The following SV2B variants were observed in gnomAD, a reference collection of about 807,000 sequenced individuals.
SV2B encodes synaptic vesicle glycoprotein 2B, also known as solute carrier family 22 member B2.
SV2B carries 41 observed loss-of-function variants against 73.9 expected under a neutral mutation model. That is an observed-to-expected ratio of 0.56 (90% CI 0.43 to 0.72). The LOEUF (loss-of-function observed/expected upper bound fraction) is 0.72, where lower values mean the gene tolerates loss of function less well. Ranked by LOEUF, SV2B falls within the 30% of genes least tolerant of loss-of-function variation. The pLI is 0.00. For missense variants in SV2B, 764 were observed against 857.8 expected (o/e 0.89, Z 1.37); for synonymous variants, 314 against 314.2 (o/e 1.00, Z 0.01).
rs1430518321 is a variant in SV2B at position 91,301,770 on chromosome 15, C to T, written c.*9218C>T. 6.6e-6 allele frequency among the ~76,000 whole-genome samples: 1 copy of T among 152,184 alleles called. No homozygotes were observed. The highest frequency in any genetic ancestry group is 6.5e-5 in the Admixed American group (1 of 15,280). On this transcript the variant is annotated 3_prime_UTR_variant, in exon 13 of 13. Coordinates refer to ENST00000394232, the MANE Select transcript of SV2B (RefSeq NM_001323032.3). The surrounding 1 kb of genome is among the most constrained non-coding windows in gnomAD (Gnocchi z 4.3). Reference sequence around the variant, plus strand: ...TTTTGGGATATTGGCATTATACCTACCAGCTGAGCATCCCAAGTCTGCACA... The same window carrying T: ...TTTTGGGATATTGGCATTATACCTATCAGCTGAGCATCCCAAGTCTGCACA...
At chr15:91,225,060 T>C (rs1309708276) in intron 1 of SV2B, among the ~76,000 whole-genome samples, 2 of 152,256 alleles carry the variant, frequency 1.3e-5, no homozygotes, top group East Asian at 1.9e-4. Flanking sequence ...AAGTACTTTA[T>C]GCACAACCTT....
At chr15:91,218,426 A>G (rs184377194) in intron 1 of SV2B, among the ~76,000 whole-genome samples, 3 of 152,258 alleles carry the variant, frequency 2.0e-5, no homozygotes, top group South Asian at 2.1e-4. Context: ...AAGGGGAAGG[A>G]CAGAAAGCCC....
At position 91,295,391 on chromosome 15, in the gene SV2B, A is replaced by T. The variant is rs938471739; in HGVS notation, c.*2839A>T. 6 of 152,256 alleles carry T rather than the reference A, an allele frequency of 3.9e-5. No homozygotes were observed. Among genetic ancestry groups the T allele is most frequent in the Non-Finnish European group, 5.9e-5 (4 of 68,054 alleles). The allele number at this position is 152,256 out of a possible 1,614,324, so 9.4% of individuals were successfully genotyped here. On this transcript the variant is annotated 3_prime_UTR_variant, in exon 13 of 13. Coordinates refer to ENST00000394232, the MANE Select transcript of SV2B (RefSeq NM_001323032.3). ...CGTTGTGTTAGTTCATTAAAACTAAATAATAAAAATAACTGTAAGAAAACC... is the reference window on the plus strand; with the variant it reads ...CGTTGTGTTAGTTCATTAAAACTAATTAATAAAAATAACTGTAAGAAAACC...
rs1490865416 is a variant in SV2B at position 91,106,521 on chromosome 15, A to G, written c.-392+6158A>G. Among the ~76,000 whole-genome samples the G allele has an allele frequency of 6.6e-6, 1 of 152,164 alleles. No homozygotes were observed. The highest frequency in any genetic ancestry group is 2.4e-5 in the African/African-American group (1 of 41,420). Reference sequence around the variant, plus strand: ...CTCCTTGAAGTTATTTCCTTTCTTTACAAGGTCTCATGGGAGCCTTATTGT... The same window carrying G: ...CTCCTTGAAGTTATTTCCTTTCTTTGCAAGGTCTCATGGGAGCCTTATTGT... On this transcript the variant is annotated intron_variant, in intron 1 of 12. Coordinates refer to ENST00000394232, the MANE Select transcript of SV2B (RefSeq NM_001323032.3). The surrounding 1 kb of genome is among the most constrained non-coding windows in gnomAD (Gnocchi z 4.4).
chr15:91,158,205 G>A (rs2043556402), intron 1 of SV2B, among the ~76,000 whole-genome samples: 1 of 152,172 alleles, frequency 6.6e-6, no homozygotes, highest in Non-Finnish European at 1.5e-5. Flanking sequence ...TGCCCTTGTT[G>A]GGTGTCTTGG....
intron 2 of SV2B, among the ~76,000 whole-genome samples, chr15:91,249,097 CACACACACACAT>C (rs757296247): frequency 1.5e-4 from 23 of 149,040 alleles, no homozygotes; most frequent in Non-Finnish European, 2.4e-4. Context: ...CACACACACA[CACACACACACAT>C]GTTTATGATC....
intron 2 of SV2B, among the ~76,000 whole-genome samples, chr15:91,244,114 T>C (rs909471871): frequency 1.3e-5 from 2 of 152,214 alleles, no homozygotes; most frequent in Non-Finnish European, 2.9e-5. Flanking sequence ...AAAGTTTACT[T>C]ATACTTTAAT....
chr15:91,184,394 A>G (rs921696810), intron 1 of SV2B, among the ~76,000 whole-genome samples: 5 of 152,200 alleles, frequency 3.3e-5, no homozygotes, highest in South Asian at 2.1e-4. Flanking sequence ...TTATCTATCA[A>G]TACCTTACCT....
At chr15:91,291,414 T>C (rs982132822) in intron 12 of SV2B, among the ~76,000 whole-genome samples, 3 of 152,170 alleles carry the variant, frequency 2.0e-5, no homozygotes, top group Non-Finnish European at 4.4e-5. Flanking sequence ...AACAAAAATA[T>C]ACCCACACTC....
intron 1 of SV2B, among the ~76,000 whole-genome samples, chr15:91,175,437 A>G (rs11852888): frequency 0.45 from 68,814 of 151,722 alleles, 18,701 homozygotes; most frequent in African/African-American, 0.75. Flanking sequence ...TGTATTTTTA[A>G]TAGAGACGGG....
At chr15:91,154,789 T>C (rs1227174094) in intron 1 of SV2B, among the ~76,000 whole-genome samples, 1 of 152,126 alleles carries the variant, frequency 6.6e-6, no homozygotes, top group African/African-American at 2.4e-5. Flanking sequence ...ATTGTTCCTT[T>C]GGAGGGAGAT....
At chr15:91,162,245 T>A (rs1042369730) in intron 1 of SV2B, among the ~76,000 whole-genome samples, 1 of 152,170 alleles carries the variant, frequency 6.6e-6, no homozygotes, top group Admixed American at 6.6e-5. Context: ...CTTCTAGTAA[T>A]CTTTCTTCCA....
In SV2B at chr15:91,118,966, G is replaced by T. The variant is rs921334474; in HGVS notation, c.-392+18603G>T. 6.6e-6 allele frequency among the ~76,000 whole-genome samples: 1 copy of T among 152,198 alleles called. No individual in the cohort carries two copies. Among genetic ancestry groups the T allele is most frequent in the African/African-American group, 2.4e-5 (1 of 41,438 alleles). ...CGGCTTGGAGGCAGGGCCTGTGGGG[G>T]TGGGCGTGCTGGCTGATCCGCTTGG... On this transcript the variant is annotated intron_variant, in intron 1 of 12. Coordinates refer to ENST00000394232, the MANE Select transcript of SV2B (RefSeq NM_001323032.3). This position sits in a 1 kb window ranked among gnomAD's most constrained non-coding sequence, Gnocchi z 4.7.
rs1359368273 is a variant in SV2B at position 91,100,983 on chromosome 15, AC to A, written c.-392+622del. Among the ~76,000 whole-genome samples, 1 of 152,186 alleles carries A rather than the reference AC, an allele frequency of 6.6e-6. No homozygotes were observed. Among genetic ancestry groups the A allele is most frequent in the Non-Finnish European group, 1.5e-5 (1 of 68,028 alleles). Reference sequence around the variant, plus strand: ...GCGTTTAGCCAGGGAGGAGCAAGGCACCGCTGTGTCTTCGGCAGACGGGTGG... The same window carrying A: ...GCGTTTAGCCAGGGAGGAGCAAGGCACGCTGTGTCTTCGGCAGACGGGTGG... On this transcript the variant is annotated intron_variant, in intron 1 of 12. Coordinates refer to ENST00000394232, the MANE Select transcript of SV2B (RefSeq NM_001323032.3). The surrounding 1 kb of genome is among the most constrained non-coding windows in gnomAD (Gnocchi z 6.4).
intron 1 of SV2B, among the ~76,000 whole-genome samples, chr15:91,179,968 A>G (rs899186215): frequency 6.7e-6 from 1 of 149,160 alleles, no homozygotes; most frequent in Admixed American, 6.7e-5. Flanking sequence ...TCATTAGTTG[A>G]TGCAGTTTCT....
Position 91,239,098 on chromosome 15 carries a change from T to A in SV2B, c.451+12384T>A, listed in dbSNP as rs1432181709. 6.6e-6 allele frequency among the ~76,000 whole-genome samples: 1 copy of A among 152,134 alleles called. No individual in the cohort carries two copies. The highest frequency in any genetic ancestry group is 6.5e-5 in the Admixed American group (1 of 15,276). On this transcript the variant is annotated intron_variant, in intron 2 of 12. Transcript: ENST00000394232. The surrounding 1 kb of genome is among the most constrained non-coding windows in gnomAD (Gnocchi z 5.1). ...TAGCAGGGATGGAAGAAAGGGGGTG[T>A]GATAGAAGGTCCTGGAAATGTAATA...
At position 91,284,642 on chromosome 15, in the gene SV2B, GGA is replaced by G. The variant is rs757017259; in HGVS notation, c.1708+423_1708+424del. Among the ~76,000 whole-genome samples, 174 of 152,312 alleles carry G rather than the reference GGA, an allele frequency of 1.1e-3. No homozygotes were observed. The highest frequency in any genetic ancestry group is 1.7e-3 in the Non-Finnish European group (113 of 68,006). On this transcript the variant is annotated intron_variant, in intron 11 of 12. Transcript: ENST00000394232. This position sits in a 1 kb window ranked among gnomAD's most constrained non-coding sequence, Gnocchi z 4.5. Reference sequence around the variant, plus strand: ...TAATAGCAATACCACTTTAGGCTTTGGAGTTGGACAGAGTCATGTTGAAATCC... The same window carrying G: ...TAATAGCAATACCACTTTAGGCTTTGGTTGGACAGAGTCATGTTGAAATCC...
rs1390403574 is a variant in SV2B, at chr15:91,226,218, G to A, written c.-46G>A. 33 of 1,585,144 alleles carry A rather than the reference G, an allele frequency of 2.1e-5. No individual in the cohort carries two copies. Among genetic ancestry groups the A allele is most frequent in the Middle Eastern group, 1.7e-4 (1 of 5,962 alleles). On this transcript the variant is annotated 5_prime_UTR_variant, in exon 2 of 13. Coordinates refer to ENST00000394232, the MANE Select transcript of SV2B (RefSeq NM_001323032.3). ...ATAGCCCAAACCTCTACCACAGAGC[G>A]AGGGATATAGCTCAAGGGGCAACCA...
intron 1 of SV2B, among the ~76,000 whole-genome samples, chr15:91,112,784 T>G (rs943005182): frequency 2.0e-5 from 3 of 152,194 alleles, no homozygotes; most frequent in Non-Finnish European, 2.9e-5. Flanking sequence ...AAAACTTACT[T>G]ATAATCCCCA....
Sources: allele counts gnomAD v4.1 joint callset (sites outside exome capture counted in the v4.1 genomes callset), GRCh38; gene constraint gnomAD v4.1.1; non-coding constraint Gnocchi (gnomAD v3.1); transcripts MANE v1.5; gene names NCBI Gene and HGNC (gene_info 2026-07-23, HGNC 2026-07-21).